The following FGR variants were observed in gnomAD, a reference collection of about 807,000 sequenced individuals.
The protein encoded by FGR is tyrosine-protein kinase Fgr.
In FGR, 26 loss-of-function variants were observed where a neutral mutation model predicts 63.2. The ratio of observed to expected loss-of-function variants is 0.41; its 90% CI spans 0.30 to 0.57. The LOEUF (loss-of-function observed/expected upper bound fraction) is 0.57, where lower values mean the gene tolerates loss of function less well. FGR is among the 20% of genes least tolerant of loss of function. The probability of loss-of-function intolerance (pLI) is 0.27; values close to 1 mark genes in which losing one functional copy is unlikely to be tolerated. For synonymous variants in FGR, 286 were observed against 277.7 expected, an observed-to-expected ratio of 1.03 and a Z score of -0.30; for missense variants, 511 against 690.8, an observed-to-expected ratio of 0.74 and a Z score of 2.92.
intron 3 of FGR, 117 bp downstream of exon 3, chr1:27,623,574 G>A (rs769519717): frequency 2.3e-5 from 23 of 1,006,210 alleles, no homozygotes; most frequent in African/African-American, 6.4e-5. Flanking sequence ...TCTTGAAAGC[G>A]GGGTTGTATC....
chr1:27,618,848 A>G (rs17162676), intron 5 of FGR, among the ~76,000 whole-genome samples: 17,774 of 151,962 alleles, frequency 0.12, 2,864 homozygotes, highest in African/African-American at 0.37. Context: ...CCTTCCCTTC[A>G]CTTGAAAAAG....
chr1:27,626,805 G>A (rs1040898903), intron 1 of FGR, among the ~76,000 whole-genome samples: 1 of 152,134 alleles, frequency 6.6e-6, no homozygotes, highest in Non-Finnish European at 1.5e-5. Flanking sequence ...GTGGAGGACT[G>A]GAAGCCATCC....
At chr1:27,622,941 A>G (rs2089957332) in intron 4 of FGR, 101 bp downstream of exon 4, 3 of 821,712 alleles carry the variant, frequency 3.7e-6, no homozygotes, top group Non-Finnish European at 6.3e-6. Flanking sequence ...TGTGTTCCCA[A>G]CTAGGCTGGA....
Position 27,612,888 on chromosome 1 carries a change from C to A in FGR, c.*26G>T. The A allele has an allele frequency of 6.2e-7, 1 of 1,602,958 alleles. No homozygotes were observed. Among genetic ancestry groups the A allele is most frequent in the Non-Finnish European group, 8.5e-7 (1 of 1,173,272 alleles). The stretch of plus-strand genomic sequence containing the variant: ...GATTGGCAAGGACTGGTGGCCACCG[C>A]CAGAGAGGGTTGATGCCCGGACAGG... On this transcript the variant is annotated 3_prime_UTR_variant, in exon 13 of 13. Coordinates refer to ENST00000374005, the MANE Select transcript of FGR (RefSeq NM_005248.3).
chr1:27,629,402 C>CA (rs2090072581), intron 1 of FGR, among the ~76,000 whole-genome samples: 1 of 151,672 alleles, frequency 6.6e-6, no homozygotes, highest in African/African-American at 2.4e-5. Context: ...CAGAAAGAAA[C>CA]AGAGACAAAG....
chr1:27,616,767 G>T lies in FGR; in HGVS notation c.682+90C>A. 1.4e-6 allele frequency: 2 copies of T among 1,417,308 alleles called. No individual in the cohort carries two copies. The highest frequency in any genetic ancestry group is 9.9e-7 in the Non-Finnish European group (1 of 1,009,926). The allele number at this position is 1,417,308 out of a possible 1,614,324, so 87.8% of individuals were successfully genotyped here. ...GGTTTCCGTCTGGCCAATACTGCTTGGTAGTCCCTTCCCTTCTCTGGGCCT... is the reference window on the plus strand; with the variant it reads ...GGTTTCCGTCTGGCCAATACTGCTTTGTAGTCCCTTCCCTTCTCTGGGCCT... On this transcript the variant is annotated intron_variant, in intron 7 of 12. Coordinates refer to ENST00000374005, the MANE Select transcript of FGR (RefSeq NM_005248.3). This position sits in a 1 kb window ranked among gnomAD's most constrained non-coding sequence, Gnocchi z 4.3.
chr1:27,623,210 A>G (rs1217464367), intron 3 of FGR, 66 bp from the exon 4 acceptor site: 1 of 1,213,088 alleles, frequency 8.2e-7, no homozygotes, highest in Admixed American at 1.8e-5. Context: ...GCTGCACCCC[A>G]AATTCCTGTT....
chr1:27,621,613 GT>G lies in FGR; in HGVS notation c.373del (p.Thr125LeufsTer71), dbSNP rs1557733830. The G allele has an allele frequency of 6.2e-7, 1 of 1,613,972 alleles. No homozygotes were observed. The highest frequency in any genetic ancestry group is 8.5e-7 in the Non-Finnish European group (1 of 1,179,948). On this transcript the variant is annotated frameshift_variant, in exon 5 of 13. Transcript: ENST00000374005. LOFTEE classifies it high-confidence loss of function. ...WEARSLSSGKTGCIPSNYVAP... is the reference protein window; with the variant it reads ...WEARSLSSGKXGCIPSNYVAP... ...CACGTAGTTGCTGGGAATGCAGCCA[GT>G]TTTTCCGGAGCTGAGAGACCGAGCC...
Position 27,616,682 on chromosome 1 carries a change from C to T in FGR, c.682+175G>A, listed in dbSNP as rs1382784203. On this transcript the variant is annotated intron_variant, in intron 7 of 12. Transcript: ENST00000374005. The surrounding 1 kb of genome is among the most constrained non-coding windows in gnomAD (Gnocchi z 4.3). The stretch of plus-strand genomic sequence containing the variant: ...GGGGGTGCTGCTTGGTGAAGGACTG[C>T]TTTCCTCCAGAAGCTCACAGAGCTG... 6.6e-6 allele frequency among the ~76,000 whole-genome samples: 1 copy of T among 152,216 alleles called. No individual in the cohort carries two copies. The highest frequency in any genetic ancestry group is 2.4e-5 in the African/African-American group (1 of 41,440).
chr1:27,615,386 C>G lies in FGR; in HGVS notation c.1018+48G>C, dbSNP rs781458005. ...CCAGGTCCCACGCCTGAAAACTCCC[C>G]TCTTAACTTCACCCCGAATCCCGCC... On this transcript the variant is annotated intron_variant, in intron 9 of 12. Transcript: ENST00000374005. The surrounding 1 kb of genome is among the most constrained non-coding windows in gnomAD (Gnocchi z 7.6). The G allele has an allele frequency of 2.5e-6, 4 of 1,569,910 alleles. No homozygotes were observed. The highest frequency in any genetic ancestry group is 4.5e-5 in the East Asian group (2 of 44,184).
At chr1:27,632,609 A>G (rs1427174818) in intron 1 of FGR, among the ~76,000 whole-genome samples, 2 of 152,062 alleles carry the variant, frequency 1.3e-5, no homozygotes, top group Non-Finnish European at 2.9e-5. Context: ...GGCCATTAGC[A>G]GTTTTTTCCA....
chr1:27,616,668 T>C lies in FGR; in HGVS notation c.682+189A>G, dbSNP rs12096621. 6.2e-3 allele frequency among the ~76,000 whole-genome samples: 939 copies of C among 152,326 alleles called. 8 individuals carry two copies. The highest frequency in any genetic ancestry group is 0.021 in the African/African-American group (866 of 41,564). ...TTGCTCAGTCATTAGGGGGTGCTGC[T>C]TGGTGAAGGACTGCTTTCCTCCAGA... On this transcript the variant is annotated intron_variant, in intron 7 of 12. Coordinates refer to ENST00000374005, the MANE Select transcript of FGR (RefSeq NM_005248.3). The surrounding 1 kb of genome is among the most constrained non-coding windows in gnomAD (Gnocchi z 4.3).
intron 1 of FGR, chr1:27,626,676 C>T (rs1204896876): frequency 2.6e-5 from 4 of 152,896 alleles, no homozygotes; most frequent in African/African-American, 9.6e-5. Context: ...AAAATAGCCC[C>T]TGTTCACTGG....
At chr1:27,628,702 A>G (rs2090061771) in intron 1 of FGR, among the ~76,000 whole-genome samples, 1 of 152,112 alleles carries the variant, frequency 6.6e-6, no homozygotes, top group African/African-American at 2.4e-5. Flanking sequence ...GCCACAACAT[A>G]TCTATATCAG....
In FGR at chr1:27,612,897, G is replaced by T. The variant is rs774826128; in HGVS notation, c.*17C>A. On this transcript the variant is annotated 3_prime_UTR_variant, in exon 13 of 13. Coordinates refer to ENST00000374005, the MANE Select transcript of FGR (RefSeq NM_005248.3). ...GGACTGGTGGCCACCGCCAGAGAGG[G>T]TTGATGCCCGGACAGGCTATGTCTG... 9.3e-6 allele frequency: 15 copies of T among 1,608,172 alleles called. No homozygotes were observed. The South Asian group carries it at 1.4e-4, about 15-fold the overall frequency.
intron 1 of FGR, chr1:27,625,969 G>A: frequency 2.5e-6 from 1 of 401,152 alleles, no homozygotes; most frequent in South Asian, 1.3e-4. Flanking sequence ...ACAAAAAACA[G>A]TCCTTCCTCT....
rs568879644 is a variant in FGR at position 27,614,671 on chromosome 1, C to T, written c.1096-88G>A. 2.0e-6 allele frequency: 3 copies of T among 1,503,992 alleles called. No individual in the cohort carries two copies. In the East Asian group the frequency reaches 6.9e-5, roughly 35 times the overall value. The allele number at this position is 1,503,992 out of a possible 1,614,324, so 93.2% of individuals were successfully genotyped here. On this transcript the variant is annotated intron_variant, in intron 10 of 12. Transcript: ENST00000374005. ...GAGGGGTGAGGGACCATTTGAAAAACCCACTTTCCAGAGGGGGAGACTGAG... is the reference window on the plus strand; with the variant it reads ...GAGGGGTGAGGGACCATTTGAAAAATCCACTTTCCAGAGGGGGAGACTGAG...
At chr1:27,630,433 TC>T (rs2090089817) in intron 1 of FGR, among the ~76,000 whole-genome samples, 1 of 152,150 alleles carries the variant, frequency 6.6e-6, no homozygotes, top group Admixed American at 6.5e-5. Flanking sequence ...TTTTTCTTCT[TC>T]CAATGCGGCC....
chr1:27,617,346 C>T lies in FGR; in HGVS notation c.429-50G>A. The T allele has an allele frequency of 2.2e-6, 3 of 1,340,426 alleles. No individual in the cohort carries two copies. Among genetic ancestry groups the T allele is most frequent in the Non-Finnish European group, 3.2e-6 (3 of 933,324 alleles). 83.0% of individuals were successfully genotyped at this position (1,340,426 alleles called of 1,614,324 possible). A position where few individuals can be genotyped will look rare whatever the true frequency, so the allele number is the denominator to read the frequency against. On this transcript the variant is annotated intron_variant, in intron 5 of 12. Transcript: ENST00000374005. This position sits in a 1 kb window ranked among gnomAD's most constrained non-coding sequence, Gnocchi z 4.5. Reference sequence around the variant, plus strand: ...CAGGTACGCTCTGCTCAAACCTCACCTCAGCCTCCTGCACAGTCACCTCAC... The same window carrying T: ...CAGGTACGCTCTGCTCAAACCTCACTTCAGCCTCCTGCACAGTCACCTCAC...
Sources: gnomAD v4.1 joint callset for allele counts (sites outside exome capture counted in the v4.1 genomes callset) on GRCh38, gnomAD v4.1.1 for gene constraint, Gnocchi (gnomAD v3.1) non-coding constraint, MANE v1.5 for transcripts, NCBI Gene and HGNC (gene_info 2026-07-23, HGNC 2026-07-21) for gene names.